PHF14: variants seen among roughly 807,000 people sequenced by gnomAD.
PHF14 encodes the protein PHD finger protein 14.
PHF14 carries 55 observed loss-of-function variants against 117.9 expected under a neutral mutation model. The observed-to-expected ratio is 0.47, with a 90% confidence interval of 0.38 to 0.58. The LOEUF is 0.58. Among genes scored for constraint, PHF14 ranks in the 20% least tolerant of loss-of-function variants. PHF14 has a pLI of 0.00. For missense variants in PHF14, 978 were observed against 1,122.2 expected, an observed-to-expected ratio of 0.87 and a Z score of 1.84; for synonymous variants, 409 against 368.6, an observed-to-expected ratio of 1.11 and a Z score of -1.26.
chr7:11,046,289 A>G (rs535396699), intron 13 of PHF14, among the ~76,000 whole-genome samples: 2 of 152,316 alleles, frequency 1.3e-5, no homozygotes, highest in Admixed American at 1.3e-4. Context: ...CAAATAGTTA[A>G]TCATCTCTTA....
Position 11,152,375 on chromosome 7 carries a change from C to A in PHF14, c.2773-17041C>A, listed in dbSNP as rs930182323. ...GAGTGTCACCAATCTTCAATTTCCT[C>A]ATTGGAACATAGGAACAATAATATT... On this transcript the variant is annotated intron_variant, in intron 17 of 17. Coordinates refer to ENST00000634607, the MANE Select transcript of PHF14 (RefSeq NM_001007157.2). Among the ~76,000 whole-genome samples, 11 of 152,106 alleles carry A rather than the reference C, an allele frequency of 7.2e-5. No individual in the cohort carries two copies. The South Asian group carries it at 2.3e-3, about 31-fold the overall frequency.
intron 14 of PHF14, among the ~76,000 whole-genome samples, chr7:11,057,167 T>C (rs1315136185): frequency 6.6e-6 from 1 of 152,168 alleles, no homozygotes; most frequent in African/African-American, 2.4e-5. Context: ...TTTACTGATA[T>C]CAAAGATGTT....
intron 13 of PHF14, among the ~76,000 whole-genome samples, chr7:11,048,103 G>A (rs910751893): frequency 2.6e-5 from 4 of 152,054 alleles, no homozygotes; most frequent in African/African-American, 9.7e-5. Context: ...CTTCAGTATT[G>A]TCCATGGGAA....
At chr7:11,094,650 T>A (rs1786776427) in intron 16 of PHF14, among the ~76,000 whole-genome samples, 1 of 152,226 alleles carries the variant, frequency 6.6e-6, no homozygotes, top group African/African-American at 2.4e-5. Context: ...AGTTTGTGAA[T>A]GAAGGTAACC....
At chr7:11,114,786 C>T (rs767229355) in intron 17 of PHF14, among the ~76,000 whole-genome samples, 4 of 152,024 alleles carry the variant, frequency 2.6e-5, no homozygotes, top group South Asian at 2.1e-4. Flanking sequence ...CACATACACT[C>T]ATACACAAAA....
chr7:11,122,350 T>TACACACACAC lies in PHF14; in HGVS notation c.2772+10884_2772+10885insCACACACACA, dbSNP rs1179471501. Among the ~76,000 whole-genome samples, 265 of 63,034 alleles carry TACACACACAC rather than the reference T, an allele frequency of 4.2e-3. 6 individuals carry two copies. In the East Asian group the frequency reaches 0.077, roughly 18 times the overall value. The allele number at this position is 63,034 out of a possible 152,430, so 41.4% of individuals were successfully genotyped here. A position where few individuals can be genotyped will look rare whatever the true frequency, so the allele number is the denominator to read the frequency against. On this transcript the variant is annotated intron_variant, in intron 17 of 17. Transcript: ENST00000634607. ...TACTTTTTATATATATATATATATA[T>TACACACACAC]ATACACACACACACACACACACACA...
chr7:11,050,995 A>G (rs1403535984), intron 13 of PHF14, among the ~76,000 whole-genome samples: 1 of 152,156 alleles, frequency 6.6e-6, no homozygotes, highest in African/African-American at 2.4e-5. Flanking sequence ...ATTTTCAGGT[A>G]TCACAGTATA....
chr7:11,099,123 A>G (rs1786990612), intron 16 of PHF14, among the ~76,000 whole-genome samples: 1 of 152,228 alleles, frequency 6.6e-6, no homozygotes, highest in African/African-American at 2.4e-5. Flanking sequence ...TTAAGGTGGT[A>G]TTCTGATGAA....
chr7:11,044,095 A>G (rs535954299), intron 13 of PHF14, among the ~76,000 whole-genome samples: 2 of 152,130 alleles, frequency 1.3e-5, no homozygotes, highest in Non-Finnish European at 2.9e-5. Context: ...AGAAAACCAA[A>G]TACTGCATGT....
intron 6 of PHF14, among the ~76,000 whole-genome samples, chr7:11,026,851 A>G (rs1214149922): frequency 6.6e-6 from 1 of 152,064 alleles, no homozygotes; most frequent in East Asian, 1.9e-4. Context: ...CTTTAAGAAA[A>G]CATCACTGGG....
At chr7:10,983,944 C>G (rs183607917) in intron 3 of PHF14, among the ~76,000 whole-genome samples, 61 of 151,858 alleles carry the variant, frequency 4.0e-4, no homozygotes, top group African/African-American at 1.4e-3. Context: ...GTCTCTTTGT[C>G]TGTGTGTTTT....
intron 17 of PHF14, among the ~76,000 whole-genome samples, chr7:11,116,039 G>A (rs10250744): frequency 2.6e-5 from 4 of 151,970 alleles, no homozygotes; most frequent in African/African-American, 9.7e-5. Flanking sequence ...GAAGAACCTT[G>A]AGACTATGTA....
At chr7:11,106,755 G>C in intron 16 of PHF14, 6 of 983,850 alleles carry the variant, frequency 6.1e-6, no homozygotes, top group Non-Finnish European at 7.2e-6. Flanking sequence ...ACATTCTTGT[G>C]ATGGAATTTT....
chr7:11,066,182 T>C (rs1177070905), intron 16 of PHF14, among the ~76,000 whole-genome samples: 4 of 152,210 alleles, frequency 2.6e-5, no homozygotes, highest in Non-Finnish European at 4.4e-5. Flanking sequence ...ACTAAATTTG[T>C]TTGTGTCATA....
Position 11,124,451 on chromosome 7 carries a change from A to G in PHF14, c.2772+12984A>G, listed in dbSNP as rs1451457291. 3.3e-5 allele frequency among the ~76,000 whole-genome samples: 5 copies of G among 152,156 alleles called. No individual in the cohort carries two copies. In the East Asian group the frequency reaches 9.6e-4, roughly 29 times the overall value. ...AATGACTAGATCAAACAATATAAACATTTTTAAAATAAGAAAGTATCATAC... is the reference window on the plus strand; with the variant it reads ...AATGACTAGATCAAACAATATAAACGTTTTTAAAATAAGAAAGTATCATAC... On this transcript the variant is annotated intron_variant, in intron 17 of 17. Transcript: ENST00000634607.
chr7:11,062,681 A>G (rs1381033163), intron 16 of PHF14: 4 of 984,396 alleles, frequency 4.1e-6, no homozygotes, highest in Non-Finnish European at 3.6e-6. Flanking sequence ...ACATAATGCT[A>G]ATCAGAAATC....
intron 16 of PHF14, among the ~76,000 whole-genome samples, chr7:11,098,451 C>A (rs753424174): frequency 1.3e-5 from 2 of 152,148 alleles, no homozygotes; most frequent in Non-Finnish European, 2.9e-5. Context: ...GGATCCCTCT[C>A]TGTCTGCCTT....
intron 5 of PHF14, among the ~76,000 whole-genome samples, chr7:11,018,344 G>A (rs1783601498): frequency 6.6e-6 from 1 of 152,006 alleles, no homozygotes; most frequent in African/African-American, 2.4e-5. Flanking sequence ...TGGGTAGTAT[G>A]GGCATTTTAA....
chr7:11,009,196 A>G (rs1783250710), intron 4 of PHF14, among the ~76,000 whole-genome samples: 2 of 152,210 alleles, frequency 1.3e-5, no homozygotes, highest in Admixed American at 6.5e-5. Context: ...TATTAAACAC[A>G]TACTGCAGAT....
Sources: gnomAD v4.1 joint callset for allele counts (sites outside exome capture counted in the v4.1 genomes callset) on GRCh38, gnomAD v4.1.1 for gene constraint, MANE v1.5 for transcripts, NCBI Gene and HGNC (gene_info 2026-07-23, HGNC 2026-07-21) for gene names.